The following SLC7A1 variants were observed in gnomAD, a reference collection of about 807,000 sequenced individuals.
The protein encoded by SLC7A1 is solute carrier family 7 member 1.
In SLC7A1, 10 loss-of-function variants were observed where a neutral mutation model predicts 53.9. That is an observed-to-expected ratio of 0.19 (90% confidence interval 0.11 to 0.31). The LOEUF is 0.31. Ranked by LOEUF, SLC7A1 falls within the 10% of genes least tolerant of loss-of-function variation. The pLI is 1.00. For synonymous variants in SLC7A1, 342 were observed against 338.7 expected, an observed-to-expected ratio of 1.01 and a Z score of -0.11; for missense variants, 525 against 827.2, an observed-to-expected ratio of 0.63 and a Z score of 4.48.
At chr13:29,520,968 A>T (rs553568471) in intron 8 of SLC7A1, among the ~76,000 whole-genome samples, 2 of 152,236 alleles carry the variant, frequency 1.3e-5, no homozygotes, top group African/African-American at 2.4e-5. Flanking sequence ...AATGGCATGT[A>T]CTTTACAGTC....
At chr13:29,560,260 C>T (rs575914060) in intron 1 of SLC7A1, among the ~76,000 whole-genome samples, 4 of 152,122 alleles carry the variant, frequency 2.6e-5, no homozygotes, top group South Asian at 2.1e-4. Context: ...CTTGTCCCAC[C>T]GGAAGGTCTT....
intron 1 of SLC7A1, among the ~76,000 whole-genome samples, chr13:29,589,584 A>G (rs1872020710): frequency 6.6e-6 from 1 of 152,208 alleles, no homozygotes; most frequent in South Asian, 2.1e-4. Flanking sequence ...CCACTTTCAG[A>G]GACAGCAGAG....
intron 1 of SLC7A1, among the ~76,000 whole-genome samples, chr13:29,589,620 G>A (rs1344455020): frequency 2.6e-5 from 4 of 152,220 alleles, no homozygotes; most frequent in Admixed American, 2.0e-4. Flanking sequence ...GAGAGGGGAG[G>A]CAGGGTGCCC....
At chr13:29,527,148 C>T (rs1868934417) in intron 5 of SLC7A1, among the ~76,000 whole-genome samples, 2 of 151,792 alleles carry the variant, frequency 1.3e-5, no homozygotes, top group African/African-American at 4.8e-5. Context: ...ATACGGAGTG[C>T]CGCGTTTTGT....
chr13:29,539,834 T>C (rs1013685340), intron 2 of SLC7A1, among the ~76,000 whole-genome samples: 3 of 152,214 alleles, frequency 2.0e-5, no homozygotes, highest in Non-Finnish European at 4.4e-5. Context: ...GGAACAAAGA[T>C]GCAGCCAACT....
At chr13:29,537,410 A>C (rs1002942712) in intron 2 of SLC7A1, among the ~76,000 whole-genome samples, 4 of 152,182 alleles carry the variant, frequency 2.6e-5, no homozygotes, top group Admixed American at 2.6e-4. Context: ...GTCATCAAAA[A>C]CTAGGAAAGT....
At chr13:29,589,731 A>G (rs1872028390) in intron 1 of SLC7A1, among the ~76,000 whole-genome samples, 1 of 152,178 alleles carries the variant, frequency 6.6e-6, no homozygotes, top group Non-Finnish European at 1.5e-5. Context: ...CCTCCCACTC[A>G]GTGTACACAG....
At chr13:29,588,597 G>A (rs1273086736) in intron 1 of SLC7A1, among the ~76,000 whole-genome samples, 1 of 150,076 alleles carries the variant, frequency 6.7e-6, no homozygotes, top group African/African-American at 2.5e-5. Context: ...TCCGCCTCCC[G>A]GGTTCAAGTG....
Position 29,516,825 on chromosome 13 carries a change from T to C in SLC7A1, c.1677+319A>G, listed in dbSNP as rs74042310. 2,522 of 260,770 alleles carry C rather than the reference T, an allele frequency of 9.7e-3. 65 individuals carry two copies. The highest frequency in any genetic ancestry group is 0.052 in the African/African-American group (2,366 of 45,174). The allele number at this position is 260,770 out of a possible 1,614,324, so 16.2% of individuals were successfully genotyped here. On this transcript the variant is annotated intron_variant, in intron 11 of 12. Coordinates refer to ENST00000380752, the MANE Select transcript of SLC7A1 (RefSeq NM_003045.5). ...CATAAAACACTGATCACAAGGGACA[T>C]TTATTTTCCAGAGAATTCAGAAATA... is the stretch of plus-strand genomic sequence containing the variant.
At chr13:29,516,977 G>T in intron 11 of SLC7A1, 167 bp downstream of exon 11, 2 of 574,088 alleles carry the variant, frequency 3.5e-6, no homozygotes, top group Non-Finnish European at 5.9e-6. Flanking sequence ...TCCAGGGTCT[G>T]GTCCTCTCTG....
At chr13:29,591,835 G>A (rs995948154) in intron 1 of SLC7A1, among the ~76,000 whole-genome samples, 6 of 152,126 alleles carry the variant, frequency 3.9e-5, no homozygotes, top group African/African-American at 9.7e-5. Flanking sequence ...TGGTTGCCAC[G>A]GTCAGAAATT....
At chr13:29,581,581 C>T (rs1483223191) in intron 1 of SLC7A1, among the ~76,000 whole-genome samples, 1 of 152,202 alleles carries the variant, frequency 6.6e-6, no homozygotes, top group Admixed American at 6.5e-5. Context: ...TTAAACACTA[C>T]AGCATACAGC....
rs1372031290 is a variant in SLC7A1 at position 29,513,300 on chromosome 13, C to CT, written c.*1179_*1180insA. The CT allele has an allele frequency of 6.5e-6, 1 of 152,704 alleles. No individual in the cohort carries two copies. The highest frequency in any genetic ancestry group is 6.5e-5 in the Admixed American group (1 of 15,288). 9.5% of individuals were successfully genotyped at this position (152,704 alleles called of 1,614,324 possible). On this transcript the variant is annotated 3_prime_UTR_variant, in exon 13 of 13. Transcript: ENST00000380752. ...GCCTAGAAATCACCTCCCCTGCGACCCACGCATCTCAGCTATAGGACAGCC... is the reference window on the plus strand; with the variant it reads ...GCCTAGAAATCACCTCCCCTGCGACCTCACGCATCTCAGCTATAGGACAGCC...
chr13:29,521,600 T>G (rs1868633282), intron 8 of SLC7A1, among the ~76,000 whole-genome samples: 1 of 152,178 alleles, frequency 6.6e-6, no homozygotes, highest in African/African-American at 2.4e-5. Flanking sequence ...CGTCTGCCTC[T>G]CGGGGCTATG....
At chr13:29,531,890 T>C (rs1229923892) in intron 4 of SLC7A1, among the ~76,000 whole-genome samples, 1 of 152,226 alleles carries the variant, frequency 6.6e-6, no homozygotes, top group Non-Finnish European at 1.5e-5. Flanking sequence ...GATTGAATTA[T>C]AAAGTACAGA....
intron 5 of SLC7A1, among the ~76,000 whole-genome samples, chr13:29,525,245 G>A (rs141180448): frequency 1.3e-5 from 2 of 152,334 alleles, no homozygotes; most frequent in East Asian, 1.9e-4. Context: ...GGTTCAAGAA[G>A]GGCAGTCCCT....
chr13:29,546,844 A>G (rs1346470070), intron 2 of SLC7A1, among the ~76,000 whole-genome samples: 4 of 152,234 alleles, frequency 2.6e-5, no homozygotes, highest in Non-Finnish European at 4.4e-5. Context: ...GGGGCCTGCT[A>G]GAAACAGCCA....
intron 1 of SLC7A1, among the ~76,000 whole-genome samples, chr13:29,592,342 T>A (rs1451814636): frequency 1.3e-5 from 2 of 152,210 alleles, no homozygotes; most frequent in Non-Finnish European, 2.9e-5. Flanking sequence ...CCAGCCAGAA[T>A]CTGGTCCAAA....
At chr13:29,521,071 G>A (rs1868611996) in intron 8 of SLC7A1, among the ~76,000 whole-genome samples, 2 of 152,202 alleles carry the variant, frequency 1.3e-5, no homozygotes, top group East Asian at 3.8e-4. Context: ...TAAAGCCTGA[G>A]AAAACAATGA....
Sources: allele counts gnomAD v4.1 joint callset (sites outside exome capture counted in the v4.1 genomes callset), GRCh38; gene constraint gnomAD v4.1.1; transcripts MANE v1.5; gene names NCBI Gene and HGNC (gene_info 2026-07-23, HGNC 2026-07-21).